The following WDR64 variants were observed in gnomAD, a reference collection of about 807,000 sequenced individuals.
WDR64 encodes the protein WD repeat-containing protein 64.
In WDR64, 112 loss-of-function variants were observed where a neutral mutation model predicts 139.3. That is an observed-to-expected ratio of 0.80 (90% CI 0.69 to 0.94). The LOEUF (loss-of-function observed/expected upper bound fraction) is 0.94. WDR64 is among the 40% of genes least tolerant of loss of function. The pLI, the probability that WDR64 is intolerant of heterozygous loss-of-function variation, is 0.00. For synonymous variants in WDR64, 444 were observed against 437.7 expected (o/e 1.01, Z -0.18); for missense variants, 1,206 against 1,293.1 (o/e 0.93, Z 1.03).
intron 25 of WDR64, among the ~76,000 whole-genome samples, chr1:241,793,434 G>A (rs1044858542): frequency 6.6e-6 from 1 of 152,102 alleles, no homozygotes; most frequent in Non-Finnish European, 1.5e-5. Context: ...TACCTTCAAA[G>A]TTGGGGGTGT....
chr1:241,744,394 T>TA lies in WDR64; in HGVS notation c.1473dup (p.Trp492MetfsTer21). ...TGATATTTTCGTTCTTTCCCATAGG[T>TA]ATGGGAACTCGAGACTGGGCTCCAA... On this transcript the variant is annotated frameshift_variant and splice_region_variant, in exon 13 of 28. Transcript: ENST00000437684. LOFTEE classifies it high-confidence loss of function. The TA allele has an allele frequency of 6.2e-7, 1 of 1,614,056 alleles. No homozygotes were observed. The highest frequency in any genetic ancestry group is 8.5e-7 in the Non-Finnish European group (1 of 1,179,982).
At chr1:241,696,113 C>CCAA (rs1667472900) in intron 8 of WDR64, among the ~76,000 whole-genome samples, 1 of 22,322 alleles carries the variant, frequency 4.5e-5, no homozygotes, top group East Asian at 2.0e-3. Context: ...GACCCAGTAT[C>CCAA]AAAAAAAAAA....
chr1:241,769,281 T>C, intron 16 of WDR64, 123 bp from the exon 17 acceptor site: 1 of 745,718 alleles, frequency 1.3e-6, no homozygotes, highest in Non-Finnish European at 2.1e-6. Context: ...TGCATTTTCT[T>C]TTCATGTTCA....
intron 4 of WDR64, chr1:241,675,989 G>A (rs1190815588): frequency 6.6e-6 from 1 of 152,154 alleles, no homozygotes; most frequent in African/African-American, 2.4e-5. Flanking sequence ...AAATCCTAAT[G>A]ATTAGTTCAT....
At chr1:241,706,430 T>C (rs1667957912) in intron 8 of WDR64, among the ~76,000 whole-genome samples, 1 of 152,232 alleles carries the variant, frequency 6.6e-6, no homozygotes. Context: ...TCCAGTTCAG[T>C]TCATTCAGCC....
chr1:241,668,514 A>G (rs571015163), intron 2 of WDR64, among the ~76,000 whole-genome samples: 5 of 152,174 alleles, frequency 3.3e-5, no homozygotes, highest in Non-Finnish European at 7.3e-5. Context: ...GGAGTCATAT[A>G]ACTTTCCCAG....
At chr1:241,677,121 G>A (rs1395933808) in intron 4 of WDR64, among the ~76,000 whole-genome samples, 1 of 152,086 alleles carries the variant, frequency 6.6e-6, no homozygotes, top group Non-Finnish European at 1.5e-5. Flanking sequence ...AACATTAAAT[G>A]CTATTAATAA....
At position 241,696,113 on chromosome 1, in the gene WDR64, C is replaced by CAAAAAAAAAA. The variant is rs541301982; in HGVS notation, c.974+8537_974+8546dup. ...TGTGGAATGGAATGAGACCCAGTAT[C>CAAAAAAAAAA]AAAAAAAAAAAAAAAAAAAAAAAAA... is the stretch of plus-strand genomic sequence containing the variant. On this transcript the variant is annotated intron_variant, in intron 8 of 27. Transcript: ENST00000437684. 6.1e-3 allele frequency among the ~76,000 whole-genome samples: 136 copies of CAAAAAAAAAA among 22,320 alleles called. 34 individuals are homozygous for CAAAAAAAAAA. Among genetic ancestry groups the CAAAAAAAAAA allele is most frequent in the African/African-American group, 0.016 (112 of 7,168 alleles). The allele number at this position is 22,320 out of a possible 152,430, so 14.6% of individuals were successfully genotyped here. A position where few individuals can be genotyped will look rare whatever the true frequency, so the allele number is the denominator to read the frequency against.
At chr1:241,692,158 GA>G (rs1236823851) in intron 8 of WDR64, among the ~76,000 whole-genome samples, 1 of 151,970 alleles carries the variant, frequency 6.6e-6, no homozygotes, top group Non-Finnish European at 1.5e-5. Context: ...AGAAATCAAG[GA>G]ATTAAATGAA....
Position 241,679,501 on chromosome 1 carries a change from C to T in WDR64, c.530C>T (p.Thr177Ile), listed in dbSNP as rs1299742301. The change falls in exon 6 of 28, where the codon ACA becomes ATA. Residue 177 changes from threonine (T) to isoleucine (I), a missense_variant. Thr to Ile is a moderately conservative substitution (Grantham distance 89, BLOSUM62 -1). Coordinates refer to ENST00000437684, the MANE Select transcript of WDR64 (RefSeq NM_001367482.1). ...TTCTATCAGGACACCTCCTGGATTA[C>T]AGGGTGTGATTACCTCTTGCAGCTG... is the stretch of plus-strand genomic sequence containing the variant. ...STNVTDTSWI[T>I]GCDYLLQLKR... 1.9e-6 allele frequency: 3 copies of T among 1,551,964 alleles called. No homozygotes were observed. The highest frequency in any genetic ancestry group is 1.7e-6 in the Non-Finnish European group (2 of 1,146,940).
chr1:241,678,319 G>C (rs1666638731), intron 5 of WDR64, 103 bp downstream of exon 5: 1 of 396,534 alleles, frequency 2.5e-6, no homozygotes, highest in Admixed American at 4.4e-5. Context: ...ATAGGCTCTG[G>C]GTATATGTTT....
chr1:241,672,847 A>G (rs1666285975), intron 3 of WDR64, among the ~76,000 whole-genome samples: 1 of 152,086 alleles, frequency 6.6e-6, no homozygotes, highest in African/African-American at 2.4e-5. Flanking sequence ...GGTGGGAGCT[A>G]AGGTTGGAGA....
Position 241,696,113 on chromosome 1 carries a change from C to CAAAAAAAAAAAAAAAAA in WDR64, c.974+8530_974+8546dup, listed in dbSNP as rs541301982. Among the ~76,000 whole-genome samples, 18 of 22,324 alleles carry CAAAAAAAAAAAAAAAAA rather than the reference C, an allele frequency of 8.1e-4. 3 individuals are homozygous for CAAAAAAAAAAAAAAAAA. The highest frequency in any genetic ancestry group is 2.4e-3 in the African/African-American group (17 of 7,170). The allele number at this position is 22,324 out of a possible 152,430, so 14.6% of individuals were successfully genotyped here. On this transcript the variant is annotated intron_variant, in intron 8 of 27. Transcript: ENST00000437684. The stretch of plus-strand genomic sequence containing the variant: ...TGTGGAATGGAATGAGACCCAGTAT[C>CAAAAAAAAAAAAAAAAA]AAAAAAAAAAAAAAAAAAAAAAAAA...
chr1:241,672,541 C>A (rs572451233), intron 3 of WDR64, among the ~76,000 whole-genome samples: 3 of 152,188 alleles, frequency 2.0e-5, no homozygotes, highest in African/African-American at 4.8e-5. Context: ...AGAGACAGAG[C>A]GGTGAACAAA....
At chr1:241,763,079 A>G (rs147775591) in intron 15 of WDR64, among the ~76,000 whole-genome samples, 7 of 152,228 alleles carry the variant, frequency 4.6e-5, no homozygotes, top group African/African-American at 1.7e-4. Flanking sequence ...TCCCTTTTCA[A>G]CTCTACATAT....
intron 8 of WDR64, among the ~76,000 whole-genome samples, chr1:241,694,007 C>T (rs1388165301): frequency 6.6e-6 from 1 of 151,882 alleles, no homozygotes; most frequent in African/African-American, 2.4e-5. Flanking sequence ...ATTTAGAGAA[C>T]AACTAAAAGT....
intron 1 of WDR64, among the ~76,000 whole-genome samples, chr1:241,658,900 TC>T (rs961087998): frequency 4.7e-5 from 3 of 64,280 alleles, no homozygotes; most frequent in African/African-American, 1.4e-4. Context: ...AAACACAAGA[TC>T]TTTTTTTTTT....
At chr1:241,655,524 T>G (rs536943480) in intron 1 of WDR64, among the ~76,000 whole-genome samples, 41 of 152,296 alleles carry the variant, frequency 2.7e-4, no homozygotes, top group Admixed American at 2.0e-4. Context: ...CCACATATAC[T>G]AACAAAGCAT....
intron 4 of WDR64, among the ~76,000 whole-genome samples, chr1:241,675,084 T>TCCC (rs1558466007): frequency 1.9e-5 from 1 of 52,828 alleles, no homozygotes; most frequent in African/African-American, 7.7e-5. Flanking sequence ...CCTCCCTCCC[T>TCCC]TCATCCTTCC....
Sources: allele counts gnomAD v4.1 joint callset (sites outside exome capture counted in the v4.1 genomes callset), GRCh38; gene constraint gnomAD v4.1.1; transcripts MANE v1.5; gene names NCBI Gene and HGNC (gene_info 2026-07-23, HGNC 2026-07-21).